SEPTIN9: variants seen among roughly 807,000 people sequenced by gnomAD.
SEPTIN9 encodes septin-9.
Under a neutral mutation model 56.6 loss-of-function variants are expected in SEPTIN9, and 13 were observed. The ratio of observed to expected loss-of-function variants is 0.23; its 90% CI spans 0.15 to 0.37. The LOEUF (loss-of-function observed/expected upper bound fraction) is 0.37, where lower values mean the gene tolerates loss of function less well. Ranked by LOEUF, SEPTIN9 falls within the 10% of genes least tolerant of loss-of-function variation. The pLI, the probability that SEPTIN9 is intolerant of heterozygous loss-of-function variation, is 1.00. For synonymous variants in SEPTIN9, 332 were observed against 334.1 expected (o/e 0.99, Z 0.07); for missense variants, 650 against 823.1 (o/e 0.79, Z 2.57).
In SEPTIN9 at chr17:77,462,751, C is replaced by T. The variant is rs933800400; in HGVS notation, c.722-19393C>T. Among the ~76,000 whole-genome samples, 3 of 152,316 alleles carry T rather than the reference C, an allele frequency of 2.0e-5. 1 individual carries two copies. In the South Asian group the frequency reaches 6.2e-4, roughly 32 times the overall value. On this transcript the variant is annotated intron_variant, in intron 3 of 11. Transcript: ENST00000427177. ...CTGTCTCCTGGGTTCAAGCCATTCT[C>T]ATGCCTCAGCCTCCCAAGTAGCTGC...
Position 77,498,713 on chromosome 17 carries a change from C to A in SEPTIN9, c.*55C>A. The A allele has an allele frequency of 9.0e-7, 1 of 1,115,126 alleles. No individual in the cohort carries two copies. Among genetic ancestry groups the A allele is most frequent in the Admixed American group, 2.0e-5 (1 of 50,576 alleles). 69.1% of individuals were successfully genotyped at this position (1,115,126 alleles called of 1,614,324 possible). The stretch of plus-strand genomic sequence containing the variant: ...CCCCCAAGTCATTTCCGTCCCCCCC[C>A]AGGCCCTCCCACCACCCCATTTTAT... On this transcript the variant is annotated 3_prime_UTR_variant, in exon 12 of 12. Transcript: ENST00000427177.
At chr17:77,293,211 G>T (rs776378332) in intron 1 of SEPTIN9, among the ~76,000 whole-genome samples, 12 of 152,090 alleles carry the variant, frequency 7.9e-5, no homozygotes, top group African/African-American at 2.7e-4. Context: ...TAGAGACAGG[G>T]TCTTGCTTTG....
chr17:77,499,448 A>C lies in SEPTIN9; in HGVS notation c.*790A>C. The C allele has an allele frequency of 1.9e-6, 1 of 534,576 alleles. No homozygotes were observed. Among genetic ancestry groups the C allele is most frequent in the Non-Finnish European group, 3.6e-6 (1 of 275,172 alleles). The allele number at this position is 534,576 out of a possible 1,614,324, so 33.1% of individuals were successfully genotyped here. ...TGGGATCTGATTGAGGATAAAAAGG[A>C]AGGAGAGATGACCCCTACCCCCTCA... On this transcript the variant is annotated 3_prime_UTR_variant, in exon 12 of 12. Coordinates refer to ENST00000427177, the MANE Select transcript of SEPTIN9 (RefSeq NM_001113491.2).
Position 77,435,578 on chromosome 17 carries a change from G to C in SEPTIN9, c.721+32875G>C, listed in dbSNP as rs2037306948. 6.6e-6 allele frequency among the ~76,000 whole-genome samples: 1 copy of C among 152,280 alleles called. No individual in the cohort carries two copies. The highest frequency in any genetic ancestry group is 2.1e-4 in the South Asian group (1 of 4,828). On this transcript the variant is annotated intron_variant, in intron 3 of 11. Coordinates refer to ENST00000427177, the MANE Select transcript of SEPTIN9 (RefSeq NM_001113491.2). The surrounding 1 kb of genome is among the most constrained non-coding windows in gnomAD (Gnocchi z 4.5). ...CTTGGTGTGGTCTGGAGGTGCCAGT[G>C]GTCACTCATCAGCACAGCCCAGTCT...
chr17:77,385,164 C>CTTT (rs530528683), intron 2 of SEPTIN9, among the ~76,000 whole-genome samples: 16 of 123,486 alleles, frequency 1.3e-4, no homozygotes, highest in African/African-American at 4.0e-4. Context: ...AGACCCCCAC[C>CTTT]TTTTTTTTTT....
chr17:77,301,952 T>C (rs1011839783), intron 1 of SEPTIN9, among the ~76,000 whole-genome samples: 1 of 152,158 alleles, frequency 6.6e-6, no homozygotes, highest in African/African-American at 2.4e-5. Context: ...TTCAGAAGTC[T>C]GGTCTATTCG....
intron 1 of SEPTIN9, among the ~76,000 whole-genome samples, chr17:77,285,694 C>T (rs987348844): frequency 4.6e-5 from 7 of 151,600 alleles, no homozygotes; most frequent in Non-Finnish European, 1.0e-4. Flanking sequence ...CCACCGTGCC[C>T]AGCCACTCTG....
chr17:77,382,651 G>A (rs551080191), intron 2 of SEPTIN9, among the ~76,000 whole-genome samples: 2 of 152,364 alleles, frequency 1.3e-5, no homozygotes, highest in Admixed American at 6.5e-5. Context: ...TTGTAGCAGC[G>A]AGCTTTAAAC....
At chr17:77,347,405 T>C (rs534069158) in intron 2 of SEPTIN9, among the ~76,000 whole-genome samples, 1 of 151,822 alleles carries the variant, frequency 6.6e-6, no homozygotes, top group East Asian at 1.9e-4. Flanking sequence ...AGTCTCCACC[T>C]ATGATTGTGG....
chr17:77,382,431 T>A (rs1165365843), intron 2 of SEPTIN9, among the ~76,000 whole-genome samples: 1 of 152,088 alleles, frequency 6.6e-6, no homozygotes, highest in East Asian at 1.9e-4. Flanking sequence ...GGGAGAGGGC[T>A]GTTGGTGCCA....
chr17:77,281,604 C>T, intron 1 of SEPTIN9, 50 bp downstream of exon 1: 2 of 1,505,238 alleles, frequency 1.3e-6, no homozygotes, highest in Non-Finnish European at 1.8e-6. Flanking sequence ...GGGACCAGCG[C>T]TGCTCACCTG....
At chr17:77,295,781 C>T (rs1023153362) in intron 1 of SEPTIN9, among the ~76,000 whole-genome samples, 5 of 151,800 alleles carry the variant, frequency 3.3e-5, no homozygotes, top group Non-Finnish European at 1.5e-5. Context: ...CACCAGCTGC[C>T]CCCACCGCCC....
At chr17:77,290,414 C>A (rs561248250) in intron 1 of SEPTIN9, among the ~76,000 whole-genome samples, 1 of 151,888 alleles carries the variant, frequency 6.6e-6, no homozygotes, top group African/African-American at 2.4e-5. Context: ...CCCGCCCCCA[C>A]GCCCGGCTAA....
intron 2 of SEPTIN9, among the ~76,000 whole-genome samples, chr17:77,388,473 C>A (rs569880976): frequency 6.6e-6 from 1 of 152,356 alleles, no homozygotes; most frequent in Admixed American, 6.5e-5. Context: ...AGAACCTAAA[C>A]CAGGCAGATC....
chr17:77,424,044 A>G (rs989499401), intron 3 of SEPTIN9, among the ~76,000 whole-genome samples: 2 of 152,244 alleles, frequency 1.3e-5, no homozygotes, highest in African/African-American at 4.8e-5. Flanking sequence ...TTTTAGGGAC[A>G]ACGCAAGGAG....
rs1598484994 is a variant in SEPTIN9 at position 77,498,785 on chromosome 17, T to C, written c.*127T>C. ...GTCATCGTTCCCCACCCCTTCGACA[T>C]GCTGCCAGGAAACAAGGGAAGGGGC... is the stretch of plus-strand genomic sequence containing the variant. On this transcript the variant is annotated 3_prime_UTR_variant, in exon 12 of 12. Coordinates refer to ENST00000427177, the MANE Select transcript of SEPTIN9 (RefSeq NM_001113491.2). 1 of 610,362 alleles carries C rather than the reference T, an allele frequency of 1.6e-6. No homozygotes were observed. The highest frequency in any genetic ancestry group is 3.5e-5 in the East Asian group (1 of 28,382). 37.8% of individuals were successfully genotyped at this position (610,362 alleles called of 1,614,324 possible). A position where few individuals can be genotyped will look rare whatever the true frequency, so the allele number is the denominator to read the frequency against.
chr17:77,301,227 A>T (rs2032039176), intron 1 of SEPTIN9, among the ~76,000 whole-genome samples: 1 of 152,010 alleles, frequency 6.6e-6, no homozygotes, highest in East Asian at 1.9e-4. Context: ...TTAAACTTTT[A>T]TTATTTTTTA....
At chr17:77,307,360 C>T (rs968088436) in intron 2 of SEPTIN9, among the ~76,000 whole-genome samples, 163 bp downstream of exon 2, 11 of 152,242 alleles carry the variant, frequency 7.2e-5, no homozygotes, top group African/African-American at 2.4e-4. Context: ...GCTTTGGACT[C>T]AGGTGGCTTC....
intron 4 of SEPTIN9, chr17:77,482,979 G>A (rs555102178): frequency 2.2e-5 from 4 of 177,814 alleles, no homozygotes; most frequent in Non-Finnish European, 4.9e-5. Context: ...AGGCAGAAGC[G>A]AGGCTCAGGG....
Sources: gnomAD v4.1 joint callset for allele counts (sites outside exome capture counted in the v4.1 genomes callset) on GRCh38, gnomAD v4.1.1 for gene constraint, Gnocchi (gnomAD v3.1) non-coding constraint, MANE v1.5 for transcripts, NCBI Gene and HGNC (gene_info 2026-07-23, HGNC 2026-07-21) for gene names.